ARNT: variants seen among roughly 807,000 people sequenced by gnomAD.
ARNT encodes aryl hydrocarbon receptor nuclear translocator, also known as class E basic helix-loop-helix protein 2.
Under a neutral mutation model 105.0 loss-of-function variants are expected in ARNT, and 30 were observed. The ratio of observed to expected loss-of-function variants is 0.29; its 90% CI spans 0.21 to 0.39. The LOEUF (loss-of-function observed/expected upper bound fraction) is 0.39. Among genes scored for constraint, ARNT ranks in the 10% least tolerant of loss-of-function variants. ARNT has a pLI of 1.00. For missense variants in ARNT, 748 were observed against 978.7 expected (o/e 0.76, Z 3.15); for synonymous variants, 304 against 344.0 (o/e 0.88, Z 1.29).
At chr1:150,846,352 T>C (rs747586181) in intron 3 of ARNT, 45 bp from the exon 4 acceptor site, 6 of 1,588,578 alleles carry the variant, frequency 3.8e-6, no homozygotes, top group Non-Finnish European at 4.3e-6. Context: ...ACACTTGTTA[T>C]ATCTATTTCA....
chr1:150,856,861 A>AAGGCAGG (rs1292001032), intron 2 of ARNT, among the ~76,000 whole-genome samples: 3 of 151,820 alleles, frequency 2.0e-5, no homozygotes, highest in Non-Finnish European at 2.9e-5. Context: ...TTGGGAGGCC[A>AAGGCAGG]AGGCAGGAGG....
chr1:150,868,683 C>T (rs1666982074), intron 1 of ARNT, among the ~76,000 whole-genome samples: 1 of 151,326 alleles, frequency 6.6e-6, no homozygotes, highest in African/African-American at 2.4e-5. Flanking sequence ...GGGCAGATCA[C>T]GAGGTCAGGA....
intron 21 of ARNT, 82 bp from the exon 22 acceptor site, chr1:150,812,192 A>G: frequency 9.7e-7 from 1 of 1,034,062 alleles, no homozygotes; most frequent in Non-Finnish European, 1.3e-6. Context: ...ATTCCCCTGC[A>G]CTACCATCCC....
Position 150,829,039 on chromosome 1 carries a change from A to G in ARNT, c.1167+54T>C, listed in dbSNP as rs1041289605. On this transcript the variant is annotated intron_variant, in intron 12 of 21. Transcript: ENST00000358595. The stretch of plus-strand genomic sequence containing the variant: ...TGTCTTAGGAACTACATGATTACAT[A>G]ATGTCAACATAGCCAAAGGAAAATG... 7 of 1,594,404 alleles carry G rather than the reference A, an allele frequency of 4.4e-6. No individual in the cohort carries two copies. In the African/African-American group the frequency reaches 9.4e-5, roughly 21 times the overall value.
rs759811682 is a variant in ARNT, at chr1:150,834,652, T to C, written c.701-12A>G. 1 of 1,612,484 alleles carries C rather than the reference T, an allele frequency of 6.2e-7. No homozygotes were observed. Among genetic ancestry groups the C allele is most frequent in the Non-Finnish European group, 8.5e-7 (1 of 1,178,710 alleles). On this transcript the variant is annotated splice_polypyrimidine_tract_variant and intron_variant, in intron 7 of 21. Coordinates refer to ENST00000358595, the MANE Select transcript of ARNT (RefSeq NM_001668.4). The stretch of plus-strand genomic sequence containing the variant: ...ATCCAGGATACGCCCTGAAGGAAGA[T>C]GTGAAGAGCAGTCTGGAGTGCATTT...
chr1:150,867,850 C>A (rs1246678359), intron 1 of ARNT, among the ~76,000 whole-genome samples: 2 of 152,094 alleles, frequency 1.3e-5, no homozygotes, highest in Non-Finnish European at 2.9e-5. Context: ...CTCCCTCTAT[C>A]CTGCCAGCCA....
Position 150,858,380 on chromosome 1 carries a change from T to C in ARNT, c.106A>G (p.Ile36Val), listed in dbSNP as rs1230813269. Residue 36 changes from isoleucine (I) to valine (V), a missense_variant, in exon 2 of 22, where the codon ATT becomes GTT. Transcript: ENST00000358595. ...SGPGIQGGGAIVQRAIKRRPG... is the reference protein window; with the variant it reads ...SGPGIQGGGAVVQRAIKRRPG... Reference sequence around the variant, plus strand: ...CGCCGCTTAATAGCCCTCTGGACAATGGCTCCTCCACCTTGAATTCCAGGT... The same window carrying C: ...CGCCGCTTAATAGCCCTCTGGACAACGGCTCCTCCACCTTGAATTCCAGGT... 1.9e-6 allele frequency: 3 copies of C among 1,609,080 alleles called. No individual in the cohort carries two copies. Among genetic ancestry groups the C allele is most frequent in the Non-Finnish European group, 2.5e-6 (3 of 1,177,664 alleles).
In ARNT at chr1:150,829,104, A is replaced by G. The variant is rs1310554105; in HGVS notation, c.1156T>C (p.Tyr386His). The change falls in exon 12 of 22, where the codon TAC (tyrosine) becomes CAC (histidine). Residue 386 changes from tyrosine (Y) to histidine (H), a missense_variant. Around this residue, in one of 4 missense-constraint regions of ARNT, gnomAD observed 291 missense variants for 444.6 expected, o/e 0.65. Coordinates refer to ENST00000358595, the MANE Select transcript of ARNT (RefSeq NM_001668.4). ...CTCCAGCTCCTCACCTGTGGCTGGT[A>G]GCCAACAGTAGCCACACAGCGGTGA... is the stretch of plus-strand genomic sequence containing the variant. ...VDHRCVATVG[Y>H]QPQELLGKNI... 5 of 1,614,150 alleles carry G rather than the reference A, an allele frequency of 3.1e-6. No homozygotes were observed. The highest frequency in any genetic ancestry group is 1.7e-5 in the Admixed American group (1 of 60,018).
chr1:150,820,926 G>A (rs1054254188), intron 14 of ARNT, among the ~76,000 whole-genome samples: 1 of 152,128 alleles, frequency 6.6e-6, no homozygotes, highest in Non-Finnish European at 1.5e-5. Context: ...TCGAAAATTC[G>A]ACTGTAAACT....
chr1:150,871,027 C>G (rs587610210), intron 1 of ARNT, among the ~76,000 whole-genome samples: 81 of 151,886 alleles, frequency 5.3e-4, no homozygotes, highest in African/African-American at 1.9e-3. Context: ...AACTTTAAAA[C>G]AAGAAAATAC....
chr1:150,874,135 A>G (rs1205033376), intron 1 of ARNT, among the ~76,000 whole-genome samples: 1 of 151,980 alleles, frequency 6.6e-6, no homozygotes, highest in Non-Finnish European at 1.5e-5. Context: ...GAAAGAAGGT[A>G]TGACAGTGTA....
At chr1:150,873,289 AAAAC>A (rs1318523578) in intron 1 of ARNT, among the ~76,000 whole-genome samples, 2 of 127,136 alleles carry the variant, frequency 1.6e-5, no homozygotes, top group Non-Finnish European at 1.8e-5. Context: ...ACTCTGTCTC[AAAAC>A]AAACAAACAA....
At chr1:150,868,497 T>C (rs781041638) in intron 1 of ARNT, among the ~76,000 whole-genome samples, 1 of 152,188 alleles carries the variant, frequency 6.6e-6, no homozygotes, top group African/African-American at 2.4e-5. Context: ...CAAGAACTTG[T>C]AGAGGATTCT....
At position 150,817,095 on chromosome 1, in the gene ARNT, G is replaced by T. The variant is rs1162629371; in HGVS notation, c.1686C>A (p.His562Gln). ...AAAGAAACATACCCGCATTGATGTT[G>T]TGATAGATTTCTGAAAATCTTGGAT... ...DRDPRFSEIYHNINADQSKGI... is the reference protein window; with the variant it reads ...DRDPRFSEIYQNINADQSKGI... Residue 562 changes from histidine (H) to glutamine (Q), a missense_variant, in exon 17 of 22, where the codon CAC becomes CAA. Physicochemically the swap from His to Gln is conservative, Grantham distance 24. This residue lies in a region of ARNT where 360 missense variants were observed against 411.9 expected (regional missense o/e 0.87). Coordinates refer to ENST00000358595, the MANE Select transcript of ARNT (RefSeq NM_001668.4). The T allele has an allele frequency of 1.2e-6, 2 of 1,614,034 alleles. No homozygotes were observed. Among genetic ancestry groups the T allele is most frequent in the African/African-American group, 2.7e-5 (2 of 74,912 alleles).
At chr1:150,855,071 C>T (rs1006280858) in intron 2 of ARNT, among the ~76,000 whole-genome samples, 1 of 152,026 alleles carries the variant, frequency 6.6e-6, no homozygotes, top group Non-Finnish European at 1.5e-5. Flanking sequence ...GCTGGCACTA[C>T]AGGTATGAGC....
At position 150,814,085 on chromosome 1, in the gene ARNT, G is replaced by T. The variant is rs749966267; in HGVS notation, c.2105C>A (p.Ser702Tyr). The change falls in exon 20 of 22, where the codon TCT becomes TAT. Residue 702 changes from serine (S) to tyrosine (Y), a missense_variant. Physicochemically the swap from Ser to Tyr is moderately radical, Grantham distance 144. Around this residue, in one of 4 missense-constraint regions of ARNT, gnomAD observed 360 missense variants for 411.9 expected, o/e 0.87. Coordinates refer to ENST00000358595, the MANE Select transcript of ARNT (RefSeq NM_001668.4). ...AAYPSLTNRG[S>Y]NFAPETGQTA... Reference sequence around the variant, plus strand: ...TTATGGTCTGGACTCACCAAAGTTAGATCCACGATTGGTGAGACTAGGGTA... The same window carrying T: ...TTATGGTCTGGACTCACCAAAGTTATATCCACGATTGGTGAGACTAGGGTA... 1 of 1,613,998 alleles carries T rather than the reference G, an allele frequency of 6.2e-7. No homozygotes were observed. The highest frequency in any genetic ancestry group is 1.3e-5 in the African/African-American group (1 of 74,922).
intron 11 of ARNT, chr1:150,829,566 T>C (rs781040150): frequency 1.4e-5 from 8 of 579,880 alleles, no homozygotes; most frequent in South Asian, 1.2e-4. Context: ...AAAATCAAAA[T>C]AATTCCACTT....
intron 1 of ARNT, among the ~76,000 whole-genome samples, chr1:150,860,018 A>AG (rs1336136407): frequency 6.6e-6 from 1 of 151,398 alleles, no homozygotes; most frequent in Admixed American, 6.6e-5. Context: ...AAAAAAAAAA[A>AG]GGGTGCATTT....
At chr1:150,872,119 GA>G (rs1472624212) in intron 1 of ARNT, among the ~76,000 whole-genome samples, 1 of 151,860 alleles carries the variant, frequency 6.6e-6, no homozygotes, top group Non-Finnish European at 1.5e-5. Context: ...ACAGTGCCCG[GA>G]AAATTTTTTG....
Sources: gnomAD v4.1 joint callset for allele counts (sites outside exome capture counted in the v4.1 genomes callset) on GRCh38, gnomAD v4.1.1 for gene constraint, gnomAD v4.1.1 regional missense constraint, MANE v1.5 for transcripts, NCBI Gene and HGNC (gene_info 2026-07-23, HGNC 2026-07-21) for gene names.